Variants in FGGY observed in about 807,000 individuals in gnomAD.
The protein encoded by FGGY is FGGY carbohydrate kinase domain containing.
A neutral mutation model predicts 71.3 loss-of-function variants in FGGY; 72 were observed. The observed-to-expected ratio is 1.01, with a 90% CI of 0.84 to 1.23. The LOEUF (loss-of-function observed/expected upper bound fraction) is 1.23, where lower values mean the gene tolerates loss of function less well. Among genes scored for constraint, FGGY ranks in the 50% most tolerant of loss-of-function variants. FGGY has a pLI of 0.00. For missense variants in FGGY, 668 were observed against 682.3 expected, an observed-to-expected ratio of 0.98 and a Z score of 0.23; for synonymous variants, 251 against 250.3, an observed-to-expected ratio of 1.00 and a Z score of -0.02.
chr1:59,559,511 G>T (rs1468294083), intron 8 of FGGY, among the ~76,000 whole-genome samples: 1 of 152,100 alleles, frequency 6.6e-6, no homozygotes, highest in Non-Finnish European at 1.5e-5. Flanking sequence ...TTTATTTCCT[G>T]GCTCTGTTAG....
At chr1:59,590,985 G>A (rs1451646136) in intron 8 of FGGY, among the ~76,000 whole-genome samples, 1 of 152,212 alleles carries the variant, frequency 6.6e-6, no homozygotes, top group Non-Finnish European at 1.5e-5. Flanking sequence ...ATTAGGAAAA[G>A]AGGAAGTCAA....
chr1:59,699,369 C>A, intron 14 of FGGY: 3 of 985,318 alleles, frequency 3.0e-6, no homozygotes, highest in Non-Finnish European at 3.6e-6. Context: ...GAAAGTGTTT[C>A]ATATTAAATG....
chr1:59,372,165 G>A (rs2057774229), intron 4 of FGGY, among the ~76,000 whole-genome samples: 1 of 151,772 alleles, frequency 6.6e-6, no homozygotes, highest in African/African-American at 2.4e-5. Flanking sequence ...TAGACCGTTA[G>A]CAAGACTAAT....
At chr1:59,585,995 A>G (rs192364025) in intron 8 of FGGY, among the ~76,000 whole-genome samples, 1 of 152,242 alleles carries the variant, frequency 6.6e-6, no homozygotes, top group African/African-American at 2.4e-5. Context: ...AATGCCAATC[A>G]TTAAACAGGA....
chr1:59,698,678 TA>T lies in FGGY; in HGVS notation c.1512+24548del, dbSNP rs1173037985. 1.0e-5 allele frequency: 9 copies of T among 880,794 alleles called. No homozygotes were observed. The Admixed American group carries it at 2.5e-4, about 24-fold the overall frequency. 54.6% of individuals were successfully genotyped at this position (880,794 alleles called of 1,614,324 possible). ...GACCCACCTCTCCCCTTTCTTTTGA[TA>T]AACAGGACAGCTGTCCCCAAAGGGA... On this transcript the variant is annotated intron_variant, in intron 14 of 15. Transcript: ENST00000303721.
chr1:59,726,345 A>G (rs1466889604), intron 14 of FGGY, among the ~76,000 whole-genome samples: 2 of 151,868 alleles, frequency 1.3e-5, no homozygotes, highest in South Asian at 2.1e-4. Context: ...TATATTAAGA[A>G]TATTTTGCAT....
At chr1:59,719,853 A>T (rs2097873566) in intron 14 of FGGY, among the ~76,000 whole-genome samples, 1 of 152,236 alleles carries the variant, frequency 6.6e-6, no homozygotes, top group Non-Finnish European at 1.5e-5. Flanking sequence ...CAGAGAGGTT[A>T]TCCCCAAAAA....
At chr1:59,741,967 C>T (rs900117371) in intron 14 of FGGY, among the ~76,000 whole-genome samples, 1 of 150,566 alleles carries the variant, frequency 6.6e-6, no homozygotes, top group African/African-American at 2.4e-5. Context: ...AGCCAGTCAC[C>T]GTGGTGCATA....
chr1:59,743,611 T>A (rs1270993486), intron 14 of FGGY, among the ~76,000 whole-genome samples: 1 of 151,980 alleles, frequency 6.6e-6, no homozygotes, highest in African/African-American at 2.4e-5. Flanking sequence ...TCTTTTTTTT[T>A]TTTTTCCAGC....
intron 14 of FGGY, among the ~76,000 whole-genome samples, chr1:59,737,900 T>C (rs115777491): frequency 5.3e-5 from 8 of 152,302 alleles, no homozygotes; most frequent in Non-Finnish European, 1.2e-4. Flanking sequence ...CATCTCACCT[T>C]GAATTCCTCC....
intron 5 of FGGY, among the ~76,000 whole-genome samples, chr1:59,403,129 T>C (rs1308167776): frequency 6.6e-6 from 1 of 152,146 alleles, no homozygotes; most frequent in Non-Finnish European, 1.5e-5. Context: ...AGTCAAAGAG[T>C]AAAAGAAGCT....
Position 59,324,266 on chromosome 1 carries a change from C to CTTTT in FGGY, c.201+2541_201+2544dup, listed in dbSNP as rs71046329. On this transcript the variant is annotated intron_variant, in intron 2 of 15. Coordinates refer to ENST00000303721, the MANE Select transcript of FGGY (RefSeq NM_018291.5). ...CTTCATTTTATCCTTATAATAACTACTTTTTTTTTTTTTTTTTTTTTTTTT... is the reference window on the plus strand; with the variant it reads ...CTTCATTTTATCCTTATAATAACTACTTTTTTTTTTTTTTTTTTTTTTTTTTTTT... Among the ~76,000 whole-genome samples the CTTTT allele has an allele frequency of 7.0e-4, 55 of 78,138 alleles. 3 individuals carry two copies. The highest frequency in any genetic ancestry group is 1.7e-3 in the African/African-American group (35 of 20,672). The allele number at this position is 78,138 out of a possible 152,430, so 51.3% of individuals were successfully genotyped here.
intron 11 of FGGY, among the ~76,000 whole-genome samples, 182 bp downstream of exon 11, chr1:59,638,557 T>A (rs989718576): frequency 1.3e-5 from 2 of 152,272 alleles, no homozygotes; most frequent in Admixed American, 6.5e-5. Flanking sequence ...TTTCATTGTT[T>A]CTGAGCCAAC....
chr1:59,464,652 G>A (rs2092492621), intron 6 of FGGY, among the ~76,000 whole-genome samples: 1 of 151,554 alleles, frequency 6.6e-6, no homozygotes, highest in Non-Finnish European at 1.5e-5. Flanking sequence ...AGACAGAGAA[G>A]AATCAAATAG....
intron 5 of FGGY, among the ~76,000 whole-genome samples, chr1:59,441,108 C>G (rs968698966): frequency 6.6e-6 from 1 of 152,104 alleles, no homozygotes; most frequent in African/African-American, 2.4e-5. Flanking sequence ...TTAAAACTTT[C>G]TTACAATACT....
At chr1:59,365,378 T>G (rs1336012946) in intron 4 of FGGY, among the ~76,000 whole-genome samples, 1 of 152,094 alleles carries the variant, frequency 6.6e-6, no homozygotes, top group Non-Finnish European at 1.5e-5. Context: ...GTCCCAGTCT[T>G]TGACTTTCTT....
At chr1:59,409,506 G>A (rs1451036345) in intron 5 of FGGY, among the ~76,000 whole-genome samples, 1 of 151,950 alleles carries the variant, frequency 6.6e-6, no homozygotes, top group East Asian at 1.9e-4. Flanking sequence ...TCCAGCTTGT[G>A]TGCATTGTTC....
intron 1 of FGGY, among the ~76,000 whole-genome samples, chr1:59,299,681 G>A (rs1426030908): frequency 8.5e-6 from 1 of 116,988 alleles, no homozygotes; most frequent in Non-Finnish European, 1.6e-5. Context: ...AATGGTGAGC[G>A]CACACCTGGA....
intron 11 of FGGY, among the ~76,000 whole-genome samples, chr1:59,645,246 A>G (rs1190076104): frequency 6.6e-6 from 1 of 152,170 alleles, no homozygotes; most frequent in African/African-American, 2.4e-5. Flanking sequence ...TTGCAGGGTC[A>G]CTGTCAGCGC....
Sources: allele counts gnomAD v4.1 joint callset (sites outside exome capture counted in the v4.1 genomes callset), GRCh38; gene constraint gnomAD v4.1.1; transcripts MANE v1.5; gene names NCBI Gene and HGNC (gene_info 2026-07-23, HGNC 2026-07-21).